Variants in HDHD3 observed in about 807,000 individuals in gnomAD.
HDHD3 encodes haloacid dehalogenase like hydrolase domain containing 3.
HDHD3 carries 6 observed loss-of-function variants against 6.9 expected under a neutral mutation model. That is an observed-to-expected ratio of 0.87 (90% CI 0.48 to 1.72). The LOEUF (loss-of-function observed/expected upper bound fraction) is 1.72. HDHD3 is among the 40% of genes most tolerant of loss of function. The probability of loss-of-function intolerance (pLI) is 0.01; values close to 1 mark genes in which losing one functional copy is unlikely to be tolerated. For synonymous variants in HDHD3, 139 were observed against 140.7 expected (o/e 0.99, Z 0.08); for missense variants, 308 against 327.4 (o/e 0.94, Z 0.46).
intron 2 of HDHD3, 122 bp from the exon 3 acceptor site, chr9:113,374,651 T>C: frequency 6.1e-6 from 2 of 329,300 alleles, no homozygotes; most frequent in Non-Finnish European, 1.1e-5. Flanking sequence ...CACAACAAAT[T>C]TCTGAGCACC....
chr9:113,376,223 CT>C (rs1324720660), intron 1 of HDHD3: 25 of 138,732 alleles, frequency 1.8e-4, no homozygotes, highest in East Asian at 2.2e-4. Flanking sequence ...TCCCCGGCTC[CT>C]TTTTTTTTTG....
intron 2 of HDHD3, among the ~76,000 whole-genome samples, chr9:113,375,219 A>G (rs983258633): frequency 2.0e-5 from 3 of 152,244 alleles, no homozygotes; most frequent in African/African-American, 4.8e-5. Context: ...AGAAGAATGA[A>G]TGTGCAAGAA....
At position 113,376,328 on chromosome 9, in the gene HDHD3, G is replaced by A. The variant is rs1267890018; in HGVS notation, c.-291+401C>T. ...CAAAGTGTTAGGATTACAGGCGTGA[G>A]CCACTATACCCGGCCGGCTTTTTTT... On this transcript the variant is annotated intron_variant, in intron 1 of 2. Transcript: ENST00000374180. Among the ~76,000 whole-genome samples the A allele has an allele frequency of 9.1e-5, 12 of 132,178 alleles. 1 individual carries two copies. Among genetic ancestry groups the A allele is most frequent in the African/African-American group, 3.8e-4 (12 of 31,482 alleles). The allele number at this position is 132,178 out of a possible 152,430, so 86.7% of individuals were successfully genotyped here.
In HDHD3 at chr9:113,373,734, G is replaced by A. The variant is rs778813884; in HGVS notation, c.621C>T (p.His207=). Residue 207 remains histidine (H), a synonymous_variant, in exon 3 of 3, where the codon CAC becomes CAT. Transcript: ENST00000374180. ...DYQGPRAVGM[H]SFLVVGPQAL... ...CCTGTGGGCCAACCACCAGGAAGCT[G>A]TGCATGCCCACAGCCCGAGGCCCCT... is the stretch of plus-strand genomic sequence containing the variant. 2.1e-5 allele frequency: 34 copies of A among 1,613,894 alleles called. No individual in the cohort carries two copies. Among genetic ancestry groups the A allele is most frequent in the South Asian group, 4.4e-5 (4 of 91,032 alleles).
chr9:113,375,373 G>A (rs781118017), intron 2 of HDHD3, 80 bp downstream of exon 2: 3 of 152,272 alleles, frequency 2.0e-5, no homozygotes, highest in East Asian at 1.9e-4. Context: ...GTCAAAGACA[G>A]AAGGGGCCTT....
intron 2 of HDHD3, among the ~76,000 whole-genome samples, chr9:113,374,888 T>A (rs1834424567): frequency 6.7e-6 from 1 of 149,782 alleles, no homozygotes. Context: ...TTTTTAATTT[T>A]TTTGTGAGAC....
At position 113,373,782 on chromosome 9, in the gene HDHD3, C is replaced by A; in HGVS notation, c.573G>T (p.Gly191=). ...HMEPVVAAHV[G]DNYLCDYQGP... is the part of the protein sequence containing the mutation. ...CCTGGTAATCGCAGAGGTAATTATCCCCAACATGGGCTGCCACTACTGGTT... is the reference window on the plus strand; with the variant it reads ...CCTGGTAATCGCAGAGGTAATTATCACCAACATGGGCTGCCACTACTGGTT... The change falls in exon 3 of 3, where the codon GGG becomes GGT. Residue 191 remains glycine (G), a synonymous_variant. Coordinates refer to ENST00000374180, the MANE Select transcript of HDHD3 (RefSeq NM_001304509.2). The A allele has an allele frequency of 6.2e-7, 1 of 1,612,286 alleles. No homozygotes were observed. Among genetic ancestry groups the A allele is most frequent in the Non-Finnish European group, 8.5e-7 (1 of 1,178,638 alleles).
In HDHD3 at chr9:113,374,144, A is replaced by G. The variant is rs1256936744; in HGVS notation, c.211T>C (p.Ser71Pro). The change falls in exon 3 of 3, where the codon TCC (serine) becomes CCC (proline). Residue 71 changes from serine (S) to proline (P), a missense_variant. Physicochemically the swap from Ser to Pro is moderately conservative, Grantham distance 74. Coordinates refer to ENST00000374180, the MANE Select transcript of HDHD3 (RefSeq NM_001304509.2). The part of the protein sequence containing the change: ...PNYGLSHGLT[S>P]RQWWLDVVLQ... ...ACCACATCCAGCCACCACTGGCGGG[A>G]GGTTAGGCCGTGGCTCAGGCCGTAG... is the stretch of plus-strand genomic sequence containing the variant. 6.3e-7 allele frequency: 1 copy of G among 1,597,244 alleles called. No homozygotes were observed. Among genetic ancestry groups the G allele is most frequent in the Non-Finnish European group, 8.6e-7 (1 of 1,167,240 alleles).
Position 113,374,202 on chromosome 9 carries a change from C to A in HDHD3, c.153G>T (p.Gln51His), listed in dbSNP as rs1834404569. ...AGCTGTGGCTCTGAGCCCTGTATGCCTGCCTGAAGCCTTGTTCCAGGGCTG... is the reference window on the plus strand; with the variant it reads ...AGCTGTGGCTCTGAGCCCTGTATGCATGCCTGAAGCCTTGTTCCAGGGCTG... ...EPSALEQGFR[Q>H]AYRAQSHSFP... The change falls in exon 3 of 3, where the codon CAG becomes CAT. Residue 51 changes from glutamine to histidine, a missense_variant. Transcript: ENST00000374180. 6.2e-7 allele frequency: 1 copy of A among 1,606,852 alleles called. No homozygotes were observed. The highest frequency in any genetic ancestry group is 8.5e-7 in the Non-Finnish European group (1 of 1,175,154).
In HDHD3 at chr9:113,373,570, C is replaced by G; in HGVS notation, c.*29G>C. 1 of 1,530,240 alleles carries G rather than the reference C, an allele frequency of 6.5e-7. No homozygotes were observed. The highest frequency in any genetic ancestry group is 8.8e-7 in the Non-Finnish European group (1 of 1,140,574). 94.8% of individuals were successfully genotyped at this position (1,530,240 alleles called of 1,614,324 possible). On this transcript the variant is annotated 3_prime_UTR_variant, in exon 3 of 3. Transcript: ENST00000374180. Reference sequence around the variant, plus strand: ...GTTTGTTTAAGGTTTTCTCCATGGCCTAGGGCCCAGCCACTTCCCTCACTG... The same window carrying G: ...GTTTGTTTAAGGTTTTCTCCATGGCGTAGGGCCCAGCCACTTCCCTCACTG...
At chr9:113,374,614 G>C in intron 2 of HDHD3, 85 bp from the exon 3 acceptor site, 1 of 386,752 alleles carries the variant, frequency 2.6e-6, no homozygotes, top group Non-Finnish European at 4.6e-6. Flanking sequence ...TGCCAATGGT[G>C]TGACCCTAGG....
intron 2 of HDHD3, among the ~76,000 whole-genome samples, chr9:113,374,874 A>AT (rs1267772933): frequency 3.3e-5 from 5 of 151,032 alleles, no homozygotes; most frequent in African/African-American, 4.8e-5. Context: ...CTTTTTATTT[A>AT]TTTTTTTTAA....
At chr9:113,375,851 C>T (rs1834446421) in intron 1 of HDHD3, 1 of 152,118 alleles carries the variant, frequency 6.6e-6, no homozygotes. Flanking sequence ...GGAAGGGCGT[C>T]ACTGGTAAAT....
chr9:113,375,369 G>C (rs1834434871), intron 2 of HDHD3, 84 bp downstream of exon 2: 2 of 152,230 alleles, frequency 1.3e-5, no homozygotes, highest in Admixed American at 1.3e-4. Context: ...GGATGTCAAA[G>C]ACAGAAGGGG....
chr9:113,374,076 A>T lies in HDHD3; in HGVS notation c.279T>A (p.Ala93=). The change falls in exon 3 of 3, where the codon GCT becomes GCA. Residue 93 remains alanine, a synonymous_variant. Coordinates refer to ENST00000374180, the MANE Select transcript of HDHD3 (RefSeq NM_001304509.2). The part of the protein sequence containing the change: ...FHLAGVQDAQ[A]VAPIAEQLYK... The stretch of plus-strand genomic sequence containing the variant: ...AAAGCTGTTCAGCGATGGGGGCTAC[A>T]GCCTGAGCATCCTGGACACCCGCCA... 1.2e-6 allele frequency: 2 copies of T among 1,611,622 alleles called. No homozygotes were observed. Among genetic ancestry groups the T allele is most frequent in the Middle Eastern group, 1.7e-4 (1 of 6,054 alleles).
rs1278635245 is a variant in HDHD3 at position 113,376,496 on chromosome 9, C to A, written c.-291+233G>T. On this transcript the variant is annotated intron_variant, in intron 1 of 2. Transcript: ENST00000374180. Reference sequence around the variant, plus strand: ...CAGAGTAGCTGGGACTACAGGCGCGCGCCACCACACCTGGCTAATTTTTGT... The same window carrying A: ...CAGAGTAGCTGGGACTACAGGCGCGAGCCACCACACCTGGCTAATTTTTGT... Among the ~76,000 whole-genome samples the A allele has an allele frequency of 3.5e-5, 5 of 144,292 alleles. 1 individual carries two copies. The East Asian group carries it at 1.1e-3, about 32-fold the overall frequency. 94.7% of individuals were successfully genotyped at this position (144,292 alleles called of 152,430 possible). A position where few individuals can be genotyped will look rare whatever the true frequency, so the allele number is the denominator to read the frequency against.
At position 113,373,565 on chromosome 9, in the gene HDHD3, A is replaced by G. The variant is rs552090408; in HGVS notation, c.*34T>C. The G allele has an allele frequency of 6.6e-7, 1 of 1,515,656 alleles. No individual in the cohort carries two copies. Among genetic ancestry groups the G allele is most frequent in the Non-Finnish European group, 8.8e-7 (1 of 1,134,242 alleles). The allele number at this position is 1,515,656 out of a possible 1,614,324, so 93.9% of individuals were successfully genotyped here. On this transcript the variant is annotated 3_prime_UTR_variant, in exon 3 of 3. Transcript: ENST00000374180. ...CCAGGGTTTGTTTAAGGTTTTCTCCATGGCCTAGGGCCCAGCCACTTCCCT... is the reference window on the plus strand; with the variant it reads ...CCAGGGTTTGTTTAAGGTTTTCTCCGTGGCCTAGGGCCCAGCCACTTCCCT...
At position 113,374,166 on chromosome 9, in the gene HDHD3, G is replaced by A. The variant is rs368069792; in HGVS notation, c.189C>T (p.Tyr63=). 62 of 1,596,158 alleles carry A rather than the reference G, an allele frequency of 3.9e-5. No homozygotes were observed. The Middle Eastern group carries it at 6.8e-4, about 17-fold the overall frequency. The change falls in exon 3 of 3, where the codon TAC becomes TAT. Residue 63 remains tyrosine, a synonymous_variant. Coordinates refer to ENST00000374180, the MANE Select transcript of HDHD3 (RefSeq NM_001304509.2). ...GGGAGGTTAGGCCGTGGCTCAGGCC[G>A]TAGTTGGGGAAGCTGTGGCTCTGAG... ...YRAQSHSFPN[Y]GLSHGLTSRQ...
In HDHD3 at chr9:113,373,566, T is replaced by C. The variant is rs757552288; in HGVS notation, c.*33A>G. On this transcript the variant is annotated 3_prime_UTR_variant, in exon 3 of 3. Coordinates refer to ENST00000374180, the MANE Select transcript of HDHD3 (RefSeq NM_001304509.2). ...CAGGGTTTGTTTAAGGTTTTCTCCA[T>C]GGCCTAGGGCCCAGCCACTTCCCTC... 4 of 1,515,964 alleles carry C rather than the reference T, an allele frequency of 2.6e-6. No homozygotes were observed. Among genetic ancestry groups the C allele is most frequent in the African/African-American group, 1.4e-5 (1 of 71,860 alleles). The allele number at this position is 1,515,964 out of a possible 1,614,324, so 93.9% of individuals were successfully genotyped here.
Sources: gnomAD v4.1 joint callset for allele counts (sites outside exome capture counted in the v4.1 genomes callset) on GRCh38, gnomAD v4.1.1 for gene constraint, MANE v1.5 for transcripts, NCBI Gene and HGNC (gene_info 2026-07-23, HGNC 2026-07-21) for gene names.